PABPC4L: variants seen among roughly 807,000 people sequenced by gnomAD.
PABPC4L encodes the protein poly(A) binding protein cytoplasmic 4 like, also known as polyadenylate-binding protein 4-like.
For missense variants in PABPC4L, 452 were observed against 451.4 expected (o/e 1.00, Z -0.01); for synonymous variants, 169 against 164.1 (o/e 1.03, Z -0.23).
the PABPC4L span, among the ~76,000 whole-genome samples, chr4:134,060,585 G>A: frequency 1.3e-5 from 2 of 151,776 alleles, no homozygotes; most frequent in African/African-American, 4.8e-5. Flanking sequence ...ACATTTCTAG[G>A]CATACCCTGC....
chr4:134,111,377 A>T, the PABPC4L span, among the ~76,000 whole-genome samples: 1 of 152,058 alleles, frequency 6.6e-6, no homozygotes, highest in Non-Finnish European at 1.5e-5. Flanking sequence ...TTCAAACGAT[A>T]ACAATATATA....
the PABPC4L span, among the ~76,000 whole-genome samples, chr4:133,967,188 A>T: frequency 6.6e-6 from 1 of 152,050 alleles, no homozygotes; most frequent in East Asian, 1.9e-4. Flanking sequence ...AAGTGTTGAG[A>T]GGGCCAGGCA....
chr4:134,170,835 T>C, the PABPC4L span, among the ~76,000 whole-genome samples: 2 of 152,198 alleles, frequency 1.3e-5, no homozygotes, highest in African/African-American at 4.8e-5. Flanking sequence ...TTTCTATTCC[T>C]TTGGGTATAT....
chr4:134,118,261 C>T, the PABPC4L span, among the ~76,000 whole-genome samples: 6 of 151,844 alleles, frequency 4.0e-5, no homozygotes, highest in South Asian at 1.2e-3. Flanking sequence ...TCTCAACTTT[C>T]CTTGGAAAGT....
At chr4:134,110,559 T>TTG in the PABPC4L span, among the ~76,000 whole-genome samples, 178 of 144,732 alleles carry the variant, frequency 1.2e-3, no homozygotes, top group Non-Finnish European at 1.9e-3. Context: ...TCTCTCTGTC[T>TTG]TGTGTGTGTG....
At chr4:133,993,853 A>G in the PABPC4L span, among the ~76,000 whole-genome samples, 8 of 152,170 alleles carry the variant, frequency 5.3e-5, no homozygotes, top group Non-Finnish European at 1.2e-4. Context: ...TAAGATGTGT[A>G]GATCTAGCAG....
the PABPC4L span, among the ~76,000 whole-genome samples, chr4:134,125,890 T>C: frequency 6.6e-6 from 1 of 152,104 alleles, no homozygotes; most frequent in East Asian, 1.9e-4. Context: ...ACATATACAT[T>C]CACACACAGA....
rs1017306731 is a variant in PABPC4L at position 134,196,978 on chromosome 4, G to A, written c.*2929C>T. On this transcript the variant is annotated 3_prime_UTR_variant, in exon 2 of 2. Transcript: ENST00000421491. ...TCTGTTTCCTGATATTATCTTGAAAGATTATGTAAGCATTATCAAATATTG... is the reference window on the plus strand; with the variant it reads ...TCTGTTTCCTGATATTATCTTGAAAAATTATGTAAGCATTATCAAATATTG... 4.0e-5 allele frequency: 6 copies of A among 151,654 alleles called. No individual in the cohort carries two copies. The highest frequency in any genetic ancestry group is 8.9e-5 in the Non-Finnish European group (6 of 67,656). The allele number at this position is 151,654 out of a possible 1,614,324, so 9.4% of individuals were successfully genotyped here. A position where few individuals can be genotyped will look rare whatever the true frequency, so the allele number is the denominator to read the frequency against.
At chr4:133,973,266 C>T in the PABPC4L span, among the ~76,000 whole-genome samples, 1 of 151,450 alleles carries the variant, frequency 6.6e-6, no homozygotes, top group Non-Finnish European at 1.5e-5. Context: ...ACAAAGAAAA[C>T]AGGAAACCAC....
At chr4:134,114,835 C>A in the PABPC4L span, among the ~76,000 whole-genome samples, 3 of 151,882 alleles carry the variant, frequency 2.0e-5, no homozygotes, top group African/African-American at 7.2e-5. Flanking sequence ...AAGTTAGAGT[C>A]ATTAAAATGA....
chr4:134,139,101 A>T, the PABPC4L span, among the ~76,000 whole-genome samples: 1 of 152,074 alleles, frequency 6.6e-6, no homozygotes, highest in South Asian at 2.1e-4. Context: ...GCTCACAAAT[A>T]CACTCTTCTT....
the PABPC4L span, among the ~76,000 whole-genome samples, chr4:134,053,720 G>C: frequency 6.6e-6 from 1 of 151,770 alleles, no homozygotes; most frequent in African/African-American, 2.4e-5. Flanking sequence ...TGAGGACATT[G>C]GTAAAACTTC....
chr4:134,091,208 C>A, the PABPC4L span, among the ~76,000 whole-genome samples: 1 of 151,950 alleles, frequency 6.6e-6, no homozygotes, highest in African/African-American at 2.4e-5. Flanking sequence ...AGTGTTTCCT[C>A]ATTTACGCTT....
chr4:134,103,202 G>A, the PABPC4L span, among the ~76,000 whole-genome samples: 1 of 151,646 alleles, frequency 6.6e-6, no homozygotes, highest in East Asian at 1.9e-4. Context: ...CTCTTGGTAT[G>A]TTTATTAGAT....
chr4:134,018,901 A>G, the PABPC4L span, among the ~76,000 whole-genome samples: 2 of 152,134 alleles, frequency 1.3e-5, no homozygotes, highest in Non-Finnish European at 2.9e-5. Flanking sequence ...AGAGTAAATA[A>G]ATAGATTAGT....
chr4:133,996,714 T>C, the PABPC4L span, among the ~76,000 whole-genome samples: 1 of 152,056 alleles, frequency 6.6e-6, no homozygotes, highest in Non-Finnish European at 1.5e-5. Flanking sequence ...CCGACACAGG[T>C]ATTTTGCCTG....
At chr4:133,965,407 C>A in the PABPC4L span, among the ~76,000 whole-genome samples, 4 of 151,952 alleles carry the variant, frequency 2.6e-5, no homozygotes, top group Non-Finnish European at 5.9e-5. Context: ...AAGCAATCTA[C>A]AAATTCAATG....
the PABPC4L span, among the ~76,000 whole-genome samples, chr4:133,991,889 C>T: frequency 2.6e-5 from 4 of 152,024 alleles, no homozygotes; most frequent in South Asian, 2.1e-4. Flanking sequence ...TGTGGAGTTT[C>T]GGGGTGTAAT....
chr4:134,038,703 C>G, the PABPC4L span, among the ~76,000 whole-genome samples: 1 of 151,740 alleles, frequency 6.6e-6, no homozygotes, highest in African/African-American at 2.4e-5. Flanking sequence ...CTATTTGATT[C>G]TTCTCTCTTT....
Sources: gnomAD v4.1 joint callset for allele counts (sites outside exome capture counted in the v4.1 genomes callset) on GRCh38, gnomAD v4.1.1 for gene constraint, MANE v1.5 for transcripts, NCBI Gene and HGNC (gene_info 2026-07-23, HGNC 2026-07-21) for gene names.